KCNH1: variants seen among roughly 807,000 people sequenced by gnomAD.
KCNH1 encodes the protein voltage-gated delayed rectifier potassium channel KCNH1.
A neutral mutation model predicts 69.2 loss-of-function variants in KCNH1; 27 were observed. The ratio of observed to expected loss-of-function variants is 0.39; its 90% CI spans 0.29 to 0.54. The LOEUF is 0.54. Ranked by LOEUF, KCNH1 falls within the 20% of genes least tolerant of loss-of-function variation. The probability of loss-of-function intolerance (pLI) is 0.68; values close to 1 mark genes in which losing one functional copy is unlikely to be tolerated. For missense variants in KCNH1, 798 were observed against 1,261.6 expected, an observed-to-expected ratio of 0.63 and a Z score of 5.57; for synonymous variants, 456 against 487.7, an observed-to-expected ratio of 0.93 and a Z score of 0.86.
At chr1:210,980,657 T>C (rs925208365) in intron 6 of KCNH1, among the ~76,000 whole-genome samples, 1 of 152,104 alleles carries the variant, frequency 6.6e-6, no homozygotes, top group African/African-American at 2.4e-5. Flanking sequence ...CTGAAAGAGA[T>C]TCTGTTTGTT....
chr1:210,700,963 A>T (rs1368376707), intron 10 of KCNH1, among the ~76,000 whole-genome samples: 1 of 151,288 alleles, frequency 6.6e-6, no homozygotes, highest in African/African-American at 2.4e-5. Context: ...TTTGAGATGG[A>T]GTTTCGCTCT....
In KCNH1 at chr1:210,833,381, A is replaced by G. The variant is rs1483838929; in HGVS notation, c.1463-29215T>C. On this transcript the variant is annotated intron_variant, in intron 7 of 10. Coordinates refer to ENST00000271751, the MANE Select transcript of KCNH1 (RefSeq NM_172362.3). ...ACAGAGGCCTCAGAAATAATGCCAC[A>G]TATCTACCACTATCTGATCTTTGAC... Among the ~76,000 whole-genome samples the G allele has an allele frequency of 3.9e-5, 6 of 152,286 alleles. No individual in the cohort carries two copies. In the East Asian group the frequency reaches 7.7e-4, roughly 20 times the overall value.
At chr1:211,108,058 T>C (rs942686025) in intron 1 of KCNH1, among the ~76,000 whole-genome samples, 1 of 152,200 alleles carries the variant, frequency 6.6e-6, no homozygotes, top group African/African-American at 2.4e-5. Context: ...GAGCTGCATT[T>C]TGGGGCTCTG....
chr1:211,077,105 C>T (rs4951500), intron 5 of KCNH1, among the ~76,000 whole-genome samples: 12,267 of 152,130 alleles, frequency 0.081, 740 homozygotes, highest in South Asian at 0.17. Flanking sequence ...AAATATGGCA[C>T]TATGTGAAAA....
chr1:210,698,369 A>G (rs556142642), intron 10 of KCNH1, among the ~76,000 whole-genome samples: 1 of 152,172 alleles, frequency 6.6e-6, no homozygotes, highest in Non-Finnish European at 1.5e-5. Flanking sequence ...GGTCTGGAGA[A>G]AGCCAAAGTG....
intron 7 of KCNH1, among the ~76,000 whole-genome samples, chr1:210,826,105 A>G (rs1222522154): frequency 1.3e-5 from 2 of 152,154 alleles, no homozygotes; most frequent in African/African-American, 4.8e-5. Context: ...TTAATTTGTT[A>G]CATTTTCACA....
intron 7 of KCNH1, among the ~76,000 whole-genome samples, chr1:210,901,172 C>A (rs1017332958): frequency 6.6e-6 from 1 of 152,094 alleles, no homozygotes; most frequent in Non-Finnish European, 1.5e-5. Flanking sequence ...GGCACCTCTA[C>A]CCCCACTTCC....
At chr1:211,131,584 G>A (rs1691876435) in intron 1 of KCNH1, among the ~76,000 whole-genome samples, 1 of 152,064 alleles carries the variant, frequency 6.6e-6, no homozygotes, top group Admixed American at 6.5e-5. Context: ...TCCAAAAAAG[G>A]GCTCATGGAT....
chr1:211,058,688 C>A (rs77101861), intron 5 of KCNH1, among the ~76,000 whole-genome samples: 7,518 of 151,792 alleles, frequency 0.05, 274 homozygotes, highest in Non-Finnish European at 0.07. Flanking sequence ...AGAAGGAAGA[C>A]CACAAAACAA....
intron 10 of KCNH1, among the ~76,000 whole-genome samples, chr1:210,746,759 C>T (rs1683170859): frequency 6.6e-6 from 1 of 152,074 alleles, no homozygotes; most frequent in African/African-American, 2.4e-5. Context: ...GTTGGCCAGG[C>T]TGGTCTTGAA....
chr1:210,856,114 T>C (rs372843248), intron 7 of KCNH1, among the ~76,000 whole-genome samples: 1 of 151,968 alleles, frequency 6.6e-6, no homozygotes. Flanking sequence ...AGAAAAAGAG[T>C]TCCAAACCCT....
intron 6 of KCNH1, among the ~76,000 whole-genome samples, chr1:211,004,945 T>C (rs1390048491): frequency 1.3e-5 from 2 of 152,006 alleles, no homozygotes; most frequent in Non-Finnish European, 2.9e-5. Context: ...AATTCCAAAA[T>C]TCTAAAATAA....
intron 1 of KCNH1, among the ~76,000 whole-genome samples, chr1:211,126,901 ATCT>A (rs2102502344): frequency 6.6e-6 from 1 of 152,286 alleles, no homozygotes; most frequent in South Asian, 2.1e-4. Context: ...ACATTCTGCA[ATCT>A]TCTTTTAATT....
At chr1:211,096,040 A>G (rs1691142963) in intron 3 of KCNH1, among the ~76,000 whole-genome samples, 1 of 141,890 alleles carries the variant, frequency 7.0e-6, no homozygotes, top group Non-Finnish European at 1.6e-5. Context: ...GGTGTTTAAA[A>G]GTATCACTTT....
At chr1:210,883,389 G>A (rs1686538006) in intron 7 of KCNH1, among the ~76,000 whole-genome samples, 1 of 152,158 alleles carries the variant, frequency 6.6e-6, no homozygotes, top group African/African-American at 2.4e-5. Flanking sequence ...TCTGGGGGTG[G>A]GGGAGTTTCT....
chr1:211,001,728 G>A (rs571653086), intron 6 of KCNH1, among the ~76,000 whole-genome samples: 32 of 152,064 alleles, frequency 2.1e-4, no homozygotes, highest in Middle Eastern at 3.4e-3. Context: ...TGTTTATTGC[G>A]GCGCTATTCA....
At chr1:211,096,045 C>A (rs1329332445) in intron 3 of KCNH1, among the ~76,000 whole-genome samples, 2 of 136,330 alleles carry the variant, frequency 1.5e-5, no homozygotes, top group East Asian at 4.3e-4. Context: ...TTAAAAGTAT[C>A]ACTTTATTTA....
intron 7 of KCNH1, among the ~76,000 whole-genome samples, chr1:210,870,264 T>C (rs1686210452): frequency 6.6e-6 from 1 of 152,134 alleles, no homozygotes; most frequent in Non-Finnish European, 1.5e-5. Flanking sequence ...ATTATCTATG[T>C]TAATACAGTG....
intron 6 of KCNH1, among the ~76,000 whole-genome samples, chr1:210,979,523 A>G (rs1688673940): frequency 2.0e-5 from 3 of 152,116 alleles, no homozygotes; most frequent in African/African-American, 4.8e-5. Flanking sequence ...TATATTTCCC[A>G]TTGAGTGAAT....
Sources: gnomAD v4.1 joint callset for allele counts (sites outside exome capture counted in the v4.1 genomes callset) on GRCh38, gnomAD v4.1.1 for gene constraint, MANE v1.5 for transcripts, NCBI Gene and HGNC (gene_info 2026-07-23, HGNC 2026-07-21) for gene names.